Variants in MBD5 observed in about 807,000 individuals in gnomAD.
The protein encoded by MBD5 is methyl-CpG-binding domain protein 5.
MBD5 carries 13 observed loss-of-function variants against 117.3 expected under a neutral mutation model. That is an observed-to-expected ratio of 0.11 (90% CI 0.07 to 0.18). The LOEUF is 0.18. Ranked by LOEUF, MBD5 falls within the 10% of genes least tolerant of loss-of-function variation. The pLI, the probability that MBD5 is intolerant of heterozygous loss-of-function variation, is 1.00. For missense variants in MBD5, 1,879 were observed against 2,093.8 expected (o/e 0.90, Z 2.00); for synonymous variants, 727 against 766.4 (o/e 0.95, Z 0.85).
intron 1 of MBD5, among the ~76,000 whole-genome samples, chr2:148,065,555 T>A (rs1347690255): frequency 6.6e-6 from 1 of 152,104 alleles, no homozygotes; most frequent in Non-Finnish European, 1.5e-5. Flanking sequence ...CAACAAAATA[T>A]GTCAAAAAAA....
At chr2:148,344,137 T>C (rs751041255) in intron 4 of MBD5, among the ~76,000 whole-genome samples, 9 of 152,084 alleles carry the variant, frequency 5.9e-5, no homozygotes, top group Non-Finnish European at 1.0e-4. Context: ...TGTGTGACTT[T>C]ATTTCTGGGT....
intron 1 of MBD5, among the ~76,000 whole-genome samples, chr2:148,118,460 T>G (rs1029874756): frequency 2.0e-5 from 3 of 151,378 alleles, no homozygotes; most frequent in Non-Finnish European, 4.4e-5. Flanking sequence ...ATAGTTTAAA[T>G]TAGGCTGGAA....
chr2:148,472,111 A>G (rs1680816632), intron 8 of MBD5: 1 of 152,110 alleles, frequency 6.6e-6, no homozygotes, highest in Admixed American at 6.6e-5. Context: ...ATTCATCTAT[A>G]ATGGAAAAGA....
intron 1 of MBD5, among the ~76,000 whole-genome samples, chr2:148,059,091 C>G (rs1397565432): frequency 2.6e-5 from 4 of 152,084 alleles, no homozygotes; most frequent in African/African-American, 9.7e-5. Flanking sequence ...AACAACAGAA[C>G]AAAGACTTCT....
Position 148,469,880 on chromosome 2 carries a change from A to T in MBD5, c.1937A>T (p.Asp646Val). The T allele has an allele frequency of 6.2e-7, 1 of 1,614,008 alleles. No homozygotes were observed. Among genetic ancestry groups the T allele is most frequent in the African/African-American group, 1.3e-5 (1 of 75,038 alleles). Residue 646 changes from aspartate (D) to valine (V), a missense_variant, in exon 8 of 14, where the codon GAT (aspartate) becomes GTT (valine). Coordinates refer to ENST00000642680, the MANE Select transcript of MBD5 (RefSeq NM_001378120.1). ...EGQSGRAALR[D>V]KLMSQQKDAL... ...CAAAGTGGTCGAGCAGCACTAAGAG[A>T]TAAGCTGATGTCTCAGCAAAAAGAC...
At chr2:148,302,391 G>A (rs563545732) in intron 3 of MBD5, among the ~76,000 whole-genome samples, 5 of 152,180 alleles carry the variant, frequency 3.3e-5, no homozygotes, top group African/African-American at 1.2e-4. Context: ...CCATCAAAAA[G>A]CCTTTTATTT....
chr2:148,474,830 G>T (rs545272951), intron 8 of MBD5, among the ~76,000 whole-genome samples: 1 of 152,260 alleles, frequency 6.6e-6, no homozygotes, highest in South Asian at 2.1e-4. Flanking sequence ...GGAATAGTGA[G>T]ACCACAAAAG....
At chr2:148,052,617 C>T (rs1203464018) in intron 1 of MBD5, among the ~76,000 whole-genome samples, 1 of 152,052 alleles carries the variant, frequency 6.6e-6, no homozygotes, top group Admixed American at 6.5e-5. Context: ...TAATTTATCT[C>T]AAAGTATATC....
chr2:148,367,082 A>G lies in MBD5; in HGVS notation c.-557+24746A>G, dbSNP rs575771790. 2.0e-4 allele frequency among the ~76,000 whole-genome samples: 30 copies of G among 152,326 alleles called. No homozygotes were observed. In the East Asian group the frequency reaches 5.0e-3, roughly 25 times the overall value. On this transcript the variant is annotated intron_variant, in intron 4 of 13. Transcript: ENST00000642680. Reference sequence around the variant, plus strand: ...ACACTACCTGACTTCAAATTATACTACAAGGCTACAGTAATGAAAACAGCA... The same window carrying G: ...ACACTACCTGACTTCAAATTATACTGCAAGGCTACAGTAATGAAAACAGCA...
intron 3 of MBD5, among the ~76,000 whole-genome samples, chr2:148,242,554 T>C (rs964917256): frequency 2.0e-5 from 3 of 152,176 alleles, no homozygotes; most frequent in Non-Finnish European, 4.4e-5. Flanking sequence ...AAGATATTAC[T>C]GCAGTATTTC....
chr2:148,363,206 T>A (rs1429945883), intron 4 of MBD5, among the ~76,000 whole-genome samples: 1 of 152,110 alleles, frequency 6.6e-6, no homozygotes, highest in African/African-American at 2.4e-5. Flanking sequence ...TAAAGGAGCA[T>A]ATTCTAACCC....
At chr2:148,087,501 A>G (rs1194240503) in intron 1 of MBD5, among the ~76,000 whole-genome samples, 1 of 152,218 alleles carries the variant, frequency 6.6e-6, no homozygotes, top group Non-Finnish European at 1.5e-5. Flanking sequence ...AGGTGCTGGT[A>G]TCCATGGCTG....
At chr2:148,500,015 A>G (rs1167083683) in intron 11 of MBD5, among the ~76,000 whole-genome samples, 2 of 152,120 alleles carry the variant, frequency 1.3e-5, no homozygotes, top group Non-Finnish European at 2.9e-5. Context: ...TCAGGACTAT[A>G]TTTGCTTTCT....
At chr2:148,354,814 G>T (rs573542128) in intron 4 of MBD5, among the ~76,000 whole-genome samples, 3 of 152,166 alleles carry the variant, frequency 2.0e-5, no homozygotes, top group African/African-American at 7.2e-5. Context: ...ATTCTAACTG[G>T]TGTGAGATGG....
intron 3 of MBD5, among the ~76,000 whole-genome samples, chr2:148,326,915 C>G (rs1702468355): frequency 6.7e-6 from 1 of 149,584 alleles, no homozygotes; most frequent in African/African-American, 2.5e-5. Flanking sequence ...TTAGTTGATG[C>G]AGTTTCTTCC....
Position 148,424,177 on chromosome 2 carries a change from C to CAAAAAAA in MBD5, c.-556-33993_-556-33987dup, listed in dbSNP as rs56740583. 1.5e-3 allele frequency among the ~76,000 whole-genome samples: 81 copies of CAAAAAAA among 53,432 alleles called. 13 individuals are homozygous for CAAAAAAA. The highest frequency in any genetic ancestry group is 9.8e-3 in the Middle Eastern group (1 of 102). 35.1% of individuals were successfully genotyped at this position (53,432 alleles called of 152,430 possible). ...TGGGCAACAGAGCAAGACTCTGTCT[C>CAAAAAAA]AAAAAAAAAAAAAAAAAAAAAAAAA... On this transcript the variant is annotated intron_variant, in intron 4 of 13. Transcript: ENST00000642680.
intron 7 of MBD5, among the ~76,000 whole-genome samples, chr2:148,467,713 A>C (rs1680601441): frequency 6.6e-6 from 1 of 152,168 alleles, no homozygotes; most frequent in Non-Finnish European, 1.5e-5. Context: ...CTCCCATTAT[A>C]AAAGATTTGG....
At chr2:148,428,592 C>T (rs1574414422) in intron 4 of MBD5, among the ~76,000 whole-genome samples, 2 of 152,110 alleles carry the variant, frequency 1.3e-5, no homozygotes, top group Admixed American at 1.3e-4. Context: ...TGACTTCAAA[C>T]TATACTACAA....
At chr2:148,465,338 C>A (rs2105595856) in intron 7 of MBD5, among the ~76,000 whole-genome samples, 1 of 152,132 alleles carries the variant, frequency 6.6e-6, no homozygotes, top group East Asian at 1.9e-4. Flanking sequence ...TTAATGTGTA[C>A]TCTGTGGAAT....
Sources: gnomAD v4.1 joint callset for allele counts (sites outside exome capture counted in the v4.1 genomes callset) on GRCh38, gnomAD v4.1.1 for gene constraint, MANE v1.5 for transcripts, NCBI Gene and HGNC (gene_info 2026-07-23, HGNC 2026-07-21) for gene names.